Variants in FRY observed in about 807,000 individuals in gnomAD.
FRY encodes protein furry homolog.
A neutral mutation model predicts 348.4 loss-of-function variants in FRY; 128 were observed. That is an observed-to-expected ratio of 0.37 (90% CI 0.32 to 0.43). The LOEUF (loss-of-function observed/expected upper bound fraction) is 0.43. Ranked by LOEUF, FRY falls within the 20% of genes least tolerant of loss-of-function variation. The pLI, the probability that FRY is intolerant of heterozygous loss-of-function variation, is 1.00. For synonymous variants in FRY, 1,370 were observed against 1,374.7 expected (o/e 1.00, Z 0.08); for missense variants, 2,736 against 3,695.2 (o/e 0.74, Z 6.73).
intron 1 of FRY, among the ~76,000 whole-genome samples, chr13:32,036,784 T>G (rs545175387): frequency 6.6e-6 from 1 of 151,932 alleles, no homozygotes; most frequent in South Asian, 2.1e-4. Flanking sequence ...AGATAGAGAT[T>G]TGCTCAAAGC....
At chr13:32,182,619 C>G (rs1483361358) in intron 23 of FRY, among the ~76,000 whole-genome samples, 1 of 152,156 alleles carries the variant, frequency 6.6e-6, no homozygotes, top group Non-Finnish European at 1.5e-5. Flanking sequence ...TTGAATTTAG[C>G]AAATACTTGG....
intron 46 of FRY, among the ~76,000 whole-genome samples, chr13:32,241,270 G>T (rs757027400): frequency 6.6e-6 from 1 of 152,288 alleles, no homozygotes; most frequent in Non-Finnish European, 1.5e-5. Flanking sequence ...GTAACCATAA[G>T]AAGTTTCAAA....
chr13:32,119,483 TAAATA>T (rs150782344), intron 4 of FRY, among the ~76,000 whole-genome samples: 5,257 of 152,304 alleles, frequency 0.035, 95 homozygotes, highest in African/African-American at 0.049. Context: ...TTTGGCTTAT[TAAATA>T]AAATAGAATC....
At chr13:32,047,080 C>A (rs1873059733) in intron 1 of FRY, among the ~76,000 whole-genome samples, 1 of 152,144 alleles carries the variant, frequency 6.6e-6, no homozygotes. Flanking sequence ...GCTACATAAT[C>A]ATGTATATCT....
Position 32,125,848 on chromosome 13 carries a change from G to A in FRY, c.716+973G>A, listed in dbSNP as rs182106578. ...TTTAATATATAACACATCAGTGTTC[G>A]AAGGAGGAACGGGAACTTCCAGAGG... On this transcript the variant is annotated intron_variant, in intron 7 of 60. Coordinates refer to ENST00000542859, the MANE Select transcript of FRY (RefSeq NM_023037.3). 1.7e-4 allele frequency among the ~76,000 whole-genome samples: 26 copies of A among 152,050 alleles called. No individual in the cohort carries two copies. The East Asian group carries it at 5.0e-3, about 29-fold the overall frequency.
chr13:32,200,404 C>T (rs547499749), intron 29 of FRY, among the ~76,000 whole-genome samples: 11 of 152,282 alleles, frequency 7.2e-5, no homozygotes, highest in African/African-American at 2.4e-4. Flanking sequence ...AGCAGTAACT[C>T]ACCTTCTACA....
At chr13:32,173,279 A>G (rs1357934799) in intron 18 of FRY, 88 bp from the exon 19 acceptor site, 1 of 984,182 alleles carries the variant, frequency 1.0e-6, no homozygotes, top group East Asian at 2.4e-5. Context: ...TACAAGGTCA[A>G]ATGTGCAAAA....
chr13:32,195,975 T>G (rs142571018), intron 29 of FRY, among the ~76,000 whole-genome samples: 1 of 152,326 alleles, frequency 6.6e-6, no homozygotes, highest in African/African-American at 2.4e-5. Context: ...CTAAATTTGC[T>G]CTTTCCACAT....
chr13:32,202,965 TAG>T (rs912358025), intron 31 of FRY, among the ~76,000 whole-genome samples: 11 of 151,590 alleles, frequency 7.3e-5, no homozygotes, highest in Non-Finnish European at 1.5e-4. Context: ...AAAAAAATCT[TAG>T]AGTGATAATT....
chr13:32,260,220 T>C (rs1250459770), intron 51 of FRY, among the ~76,000 whole-genome samples: 1 of 152,226 alleles, frequency 6.6e-6, no homozygotes, highest in Admixed American at 6.5e-5. Context: ...ACATCTCTCA[T>C]ATTATGTTGT....
At chr13:32,124,951 T>C (rs1878933967) in intron 7 of FRY, 76 bp downstream of exon 7, 1 of 1,100,846 alleles carries the variant, frequency 9.1e-7, no homozygotes, top group South Asian at 1.2e-5. Context: ...TTTAGGGAAG[T>C]TGGGGTTGAG....
At chr13:32,055,500 A>G (rs1287684634) in intron 1 of FRY, among the ~76,000 whole-genome samples, 2 of 152,214 alleles carry the variant, frequency 1.3e-5, no homozygotes, top group Non-Finnish European at 2.9e-5. Context: ...ACCTTTAAAA[A>G]GACAAATTCT....
chr13:32,145,095 C>G (rs1291542431), intron 11 of FRY, among the ~76,000 whole-genome samples: 1 of 152,066 alleles, frequency 6.6e-6, no homozygotes, highest in Admixed American at 6.6e-5. Context: ...ATGAACGTGG[C>G]CTAGCTAGGG....
chr13:32,222,676 G>A (rs986575103), intron 36 of FRY, among the ~76,000 whole-genome samples: 8 of 152,134 alleles, frequency 5.3e-5, no homozygotes, highest in African/African-American at 1.7e-4. Context: ...ATGTTTTGAG[G>A]GCAGAGCTCT....
chr13:32,169,446 A>G (rs1881931590), intron 17 of FRY, among the ~76,000 whole-genome samples: 1 of 152,216 alleles, frequency 6.6e-6, no homozygotes, highest in African/African-American at 2.4e-5. Context: ...GGTTTATGGA[A>G]TGCAGTTACA....
At position 32,201,966 on chromosome 13, in the gene FRY, T is replaced by C. The variant is rs1278805131; in HGVS notation, c.3772T>C (p.Leu1258=). 3 of 1,598,610 alleles carry C rather than the reference T, an allele frequency of 1.9e-6. No homozygotes were observed. The African/African-American group carries it at 4.0e-5, about 21-fold the overall frequency. Residue 1258 remains leucine, a synonymous_variant, in exon 30 of 61, where the codon TTG becomes CTG. Coordinates refer to ENST00000542859, the MANE Select transcript of FRY (RefSeq NM_023037.3). Reference sequence around the variant, plus strand: ...GAACTATCCCTTCGACATAGTGACATTGTTAAACCTTGTTCTATTCAAGGC... The same window carrying C: ...GAACTATCCCTTCGACATAGTGACACTGTTAAACCTTGTTCTATTCAAGGC... The part of the protein sequence containing the change: ...SRNYPFDIVT[L]LNLVLFKASD...
intron 2 of FRY, among the ~76,000 whole-genome samples, chr13:32,098,906 A>G (rs1404043552): frequency 6.6e-6 from 1 of 152,094 alleles, no homozygotes; most frequent in Non-Finnish European, 1.5e-5. Flanking sequence ...TTGAACCTGT[A>G]TATTTTGCAA....
At chr13:32,045,677 A>G (rs1872983432) in intron 1 of FRY, among the ~76,000 whole-genome samples, 1 of 152,192 alleles carries the variant, frequency 6.6e-6, no homozygotes, top group Non-Finnish European at 1.5e-5. Context: ...GCAGAAATGG[A>G]CTGAATCTTT....
chr13:32,184,572 G>GT, intron 24 of FRY, 28 bp from the exon 25 acceptor site: 1 of 1,396,990 alleles, frequency 7.2e-7, no homozygotes, highest in Non-Finnish European at 1.0e-6. Context: ...GCCTGTGTCT[G>GT]TAAGTGATAC....
Sources: allele counts gnomAD v4.1 joint callset (sites outside exome capture counted in the v4.1 genomes callset), GRCh38; gene constraint gnomAD v4.1.1; transcripts MANE v1.5; gene names NCBI Gene and HGNC (gene_info 2026-07-23, HGNC 2026-07-21).